ACSBG1: variants seen among roughly 807,000 people sequenced by gnomAD.
ACSBG1 encodes the protein long-chain-fatty-acid--CoA ligase ACSBG1.
Under a neutral mutation model 80.2 loss-of-function variants are expected in ACSBG1, and 39 were observed. That is an observed-to-expected ratio of 0.49 (90% CI 0.38 to 0.64). ACSBG1 has a LOEUF of 0.64. Ranked by LOEUF, ACSBG1 falls within the 30% of genes least tolerant of loss-of-function variation. ACSBG1 has a pLI of 0.00. For missense variants in ACSBG1, 828 were observed against 966.4 expected (o/e 0.86, Z 1.90); for synonymous variants, 392 against 379.5 (o/e 1.03, Z -0.38).
At chr15:78,199,674 T>C (rs1444914978) in intron 2 of ACSBG1, among the ~76,000 whole-genome samples, 5 of 151,328 alleles carry the variant, frequency 3.3e-5, no homozygotes, top group Non-Finnish European at 7.4e-5. Context: ...TTTTTTTTTT[T>C]CTAGTAGAGA....
intron 1 of ACSBG1, among the ~76,000 whole-genome samples, chr15:78,230,293 A>G (rs1454144722): frequency 3.3e-5 from 5 of 152,164 alleles, no homozygotes; most frequent in African/African-American, 1.2e-4. Context: ...CACCTGCCCC[A>G]GTCACTGGGA....
intron 7 of ACSBG1, 26 bp downstream of exon 7, chr15:78,182,440 C>G (rs8032366): frequency 1.9e-6 from 3 of 1,611,850 alleles, no homozygotes; most frequent in Non-Finnish European, 2.5e-6. Context: ...TTGCACCCCC[C>G]CCACCCCACC....
intron 1 of ACSBG1, among the ~76,000 whole-genome samples, chr15:78,210,772 C>G (rs2075259839): frequency 6.6e-6 from 1 of 152,172 alleles, no homozygotes; most frequent in Non-Finnish European, 1.5e-5. Flanking sequence ...CACCACAAAA[C>G]CTGGCTAATT....
rs148820547 is a variant in ACSBG1, at chr15:78,182,556, A to G, written c.804T>C (p.Ile268=). 2,576 of 1,614,084 alleles carry G rather than the reference A, an allele frequency of 1.6e-3. 3 individuals are homozygous for G. Among genetic ancestry groups the G allele is most frequent in the Non-Finnish European group, 1.9e-3 (2,280 of 1,179,976 alleles). The part of the protein sequence containing the change: ...EVPEEALDAI[I]DTQQPNQCCV... The stretch of plus-strand genomic sequence containing the variant: ...AGCACTGGTTGGGCTGCTGGGTGTC[A>G]ATGATGGCGTCCAGGGCTTCCTCAG... Residue 268 remains isoleucine, a synonymous_variant, in exon 7 of 14, where the codon ATT becomes ATC. Transcript: ENST00000258873.
At chr15:78,194,318 G>A (rs1186476887) in intron 3 of ACSBG1, among the ~76,000 whole-genome samples, 188 bp downstream of exon 3, 1 of 152,248 alleles carries the variant, frequency 6.6e-6, no homozygotes, top group African/African-American at 2.4e-5. Flanking sequence ...ACATGGTAGG[G>A]GCTCAGCAAA....
intron 5 of ACSBG1, among the ~76,000 whole-genome samples, chr15:78,187,169 G>T (rs1185764732): frequency 2.0e-5 from 3 of 152,230 alleles, no homozygotes; most frequent in Non-Finnish European, 4.4e-5. Context: ...CTCTGAAATT[G>T]TGGCAATAAT....
In ACSBG1 at chr15:78,170,168, T is replaced by C. The variant is rs2141310704; in HGVS notation, c.*1276A>G. The C allele has an allele frequency of 6.6e-6, 1 of 152,306 alleles. No homozygotes were observed. Among genetic ancestry groups the C allele is most frequent in the East Asian group, 1.9e-4 (1 of 5,184 alleles). The allele number at this position is 152,306 out of a possible 1,614,324, so 9.4% of individuals were successfully genotyped here. On this transcript the variant is annotated 3_prime_UTR_variant, in exon 14 of 14. Transcript: ENST00000258873. ...GGGCTCAGCTTTTGACCCTCAGGCATCTCCTTTCCCTTCCTGTCTTCCTCT... is the reference window on the plus strand; with the variant it reads ...GGGCTCAGCTTTTGACCCTCAGGCACCTCCTTTCCCTTCCTGTCTTCCTCT...
At chr15:78,219,013 C>T (rs1373540164) in intron 1 of ACSBG1, among the ~76,000 whole-genome samples, 6 of 151,950 alleles carry the variant, frequency 3.9e-5, no homozygotes, top group Admixed American at 2.0e-4. Context: ...GGTTCCACCA[C>T]GTTGGCCAGG....
chr15:78,196,089 C>T (rs886502014), intron 2 of ACSBG1, among the ~76,000 whole-genome samples: 2 of 152,120 alleles, frequency 1.3e-5, no homozygotes, highest in Non-Finnish European at 2.9e-5. Context: ...GAAATGCAGG[C>T]GGGACAGGGG....
In ACSBG1 at chr15:78,177,468, C is replaced by A. The variant is rs1245454211; in HGVS notation, c.1702+1146G>T. Among the ~76,000 whole-genome samples, 1 of 152,214 alleles carries A rather than the reference C, an allele frequency of 6.6e-6. No homozygotes were observed. The highest frequency in any genetic ancestry group is 1.5e-5 in the Non-Finnish European group (1 of 68,044). On this transcript the variant is annotated intron_variant, in intron 11 of 13. Coordinates refer to ENST00000258873, the MANE Select transcript of ACSBG1 (RefSeq NM_015162.5). This position sits in a 1 kb window ranked among gnomAD's most constrained non-coding sequence, Gnocchi z 4.1. ...CACTATACTAGTTCTAAAAGGAGGG[C>A]CGGCTCTGGTTGAATTTGGTTTTCT... is the stretch of plus-strand genomic sequence containing the variant.
Position 78,230,868 on chromosome 15 carries a change from G to A in ACSBG1, c.131+3503C>T, listed in dbSNP as rs116164640. ...TCTCAGGTATGTCTTTATCAGCAGCGGGAAAACAGACTAATACACCTTCCC... is the reference window on the plus strand; with the variant it reads ...TCTCAGGTATGTCTTTATCAGCAGCAGGAAAACAGACTAATACACCTTCCC... On this transcript the variant is annotated intron_variant, in intron 1 of 13. Transcript: ENST00000258873. Among the ~76,000 whole-genome samples, 1,208 of 152,256 alleles carry A rather than the reference G, an allele frequency of 7.9e-3. 21 individuals are homozygous for A. Among genetic ancestry groups the A allele is most frequent in the African/African-American group, 0.027 (1,129 of 41,522 alleles).
At chr15:78,218,213 C>T (rs1240353038) in intron 1 of ACSBG1, among the ~76,000 whole-genome samples, 1 of 144,770 alleles carries the variant, frequency 6.9e-6, no homozygotes, top group Non-Finnish European at 1.5e-5. Context: ...ACCTTTCTTC[C>T]AGGGAGATGA....
rs1004805314 is a variant in ACSBG1 at position 78,178,160 on chromosome 15, G to A, written c.1702+454C>T. Among the ~76,000 whole-genome samples the A allele has an allele frequency of 2.0e-5, 3 of 152,130 alleles. No individual in the cohort carries two copies. Among genetic ancestry groups the A allele is most frequent in the African/African-American group, 7.2e-5 (3 of 41,414 alleles). On this transcript the variant is annotated intron_variant, in intron 11 of 13. Coordinates refer to ENST00000258873, the MANE Select transcript of ACSBG1 (RefSeq NM_015162.5). This position sits in a 1 kb window ranked among gnomAD's most constrained non-coding sequence, Gnocchi z 4.3. ...AGTACCTGCCCCATAGGAGAGTGGA[G>A]TAAATAAAACGATGTCACTAAAGGT... is the stretch of plus-strand genomic sequence containing the variant.
At chr15:78,174,077 G>A (rs796507289) in intron 12 of ACSBG1, among the ~76,000 whole-genome samples, 90 of 152,300 alleles carry the variant, frequency 5.9e-4, no homozygotes, top group African/African-American at 2.1e-3. Flanking sequence ...AAGCAGGGAC[G>A]GTAACTCCTG....
chr15:78,190,655 A>C (rs951335803), intron 5 of ACSBG1, among the ~76,000 whole-genome samples: 1 of 152,066 alleles, frequency 6.6e-6, no homozygotes, highest in Non-Finnish European at 1.5e-5. Flanking sequence ...TATAACCTCT[A>C]TAGAAGTAAA....
intron 1 of ACSBG1, among the ~76,000 whole-genome samples, chr15:78,219,019 C>A (rs1395987746): frequency 6.6e-6 from 1 of 152,092 alleles, no homozygotes; most frequent in Non-Finnish European, 1.5e-5. Flanking sequence ...ACCACGTTGG[C>A]CAGGCTGGTC....
At chr15:78,219,091 C>G (rs1193125284) in intron 1 of ACSBG1, among the ~76,000 whole-genome samples, 1 of 152,162 alleles carries the variant, frequency 6.6e-6, no homozygotes, top group African/African-American at 2.4e-5. Flanking sequence ...GGATTACAGG[C>G]GTGAGCCACT....
In ACSBG1 at chr15:78,180,779, T is replaced by C. The variant is rs771925659; in HGVS notation, c.1229A>G (p.Glu410Gly). Residue 410 changes from glutamate (E) to glycine (G), a missense_variant, in exon 9 of 14, where the codon GAG becomes GGG. Glu to Gly is a moderately conservative substitution (Grantham distance 98). Transcript: ENST00000258873. ...CCTGCCGGGGCAGGTGAGGTTCTGC[T>C]CCAAGGTCACCGACATGGCCCACAG... Reference protein sequence around the residue: ...MLLWAMSVTLEQNLTCPGSDL... With the variant: ...MLLWAMSVTLGQNLTCPGSDL... 5 of 1,614,060 alleles carry C rather than the reference T, an allele frequency of 3.1e-6. No individual in the cohort carries two copies. The highest frequency in any genetic ancestry group is 4.2e-6 in the Non-Finnish European group (5 of 1,179,998).
intron 5 of ACSBG1, 141 bp from the exon 6 acceptor site, chr15:78,182,926 G>A: frequency 1.2e-6 from 1 of 819,052 alleles, no homozygotes; most frequent in Admixed American, 2.2e-5. Flanking sequence ...CAGGACAACT[G>A]CCACCCTTCA....
Sources: allele counts gnomAD v4.1 joint callset (sites outside exome capture counted in the v4.1 genomes callset), GRCh38; gene constraint gnomAD v4.1.1; non-coding constraint Gnocchi (gnomAD v3.1); transcripts MANE v1.5; gene names NCBI Gene and HGNC (gene_info 2026-07-23, HGNC 2026-07-21).